GNB1: variants seen among roughly 807,000 people sequenced by gnomAD.
GNB1 encodes the protein G protein subunit beta 1.
A neutral mutation model predicts 42.9 loss-of-function variants in GNB1; 2 were observed. The observed-to-expected ratio is 0.05, with a 90% CI of 0.02 to 0.15. The LOEUF (loss-of-function observed/expected upper bound fraction) is 0.15. Among genes scored for constraint, GNB1 ranks in the 10% least tolerant of loss-of-function variants. The pLI is 1.00. For synonymous variants in GNB1, 183 were observed against 174.7 expected (o/e 1.05, Z -0.38); for missense variants, 193 against 462.2 (o/e 0.42, Z 5.34).
At chr1:1,788,837 TC>T (rs1416382952) in intron 10 of GNB1, 5 of 526,670 alleles carry the variant, frequency 9.5e-6, no homozygotes, top group Non-Finnish European at 1.7e-5. Context: ...CCCAGAGCCC[TC>T]CCCGACGCAT....
At chr1:1,890,353 C>G (rs1377089893) in intron 1 of GNB1, 5 of 151,640 alleles carry the variant, frequency 3.3e-5, no homozygotes, top group Non-Finnish European at 7.4e-5. Context: ...CCGCCCGGCC[C>G]TCAAAGTCAC....
chr1:1,875,572 A>T (rs1025161718), intron 1 of GNB1, among the ~76,000 whole-genome samples: 2 of 152,116 alleles, frequency 1.3e-5, no homozygotes, highest in African/African-American at 4.8e-5. Context: ...GCAGTGGCAC[A>T]ATCATAGCTC....
Position 1,837,322 on chromosome 1 carries a change from T to C in GNB1, c.-47+1868A>G, listed in dbSNP as rs557850793. ...CAGGCTGGAGTGCAGTAGCGTGATC[T>C]TGGCTCACTGCAAGCTCCGCCTCCT... On this transcript the variant is annotated intron_variant, in intron 2 of 11. Coordinates refer to ENST00000378609, the MANE Select transcript of GNB1 (RefSeq NM_002074.5). 4.6e-5 allele frequency among the ~76,000 whole-genome samples: 7 copies of C among 151,684 alleles called. No homozygotes were observed. The South Asian group carries it at 1.5e-3, about 32-fold the overall frequency.
At chr1:1,836,856 C>CTTTTT (rs35131919) in intron 2 of GNB1, among the ~76,000 whole-genome samples, 1 of 120,168 alleles carries the variant, frequency 8.3e-6, no homozygotes, top group Non-Finnish European at 1.7e-5. Context: ...CGACTGCTAA[C>CTTTTT]TTTTTTTTTT....
At chr1:1,828,454 A>G (rs1282243587) in intron 2 of GNB1, among the ~76,000 whole-genome samples, 1 of 152,206 alleles carries the variant, frequency 6.6e-6, no homozygotes, top group Non-Finnish European at 1.5e-5. Flanking sequence ...TTCACATATT[A>G]TACAAGAACA....
intron 7 of GNB1, among the ~76,000 whole-genome samples, chr1:1,802,323 T>C (rs1057030045): frequency 3.3e-5 from 5 of 152,172 alleles, no homozygotes; most frequent in African/African-American, 4.8e-5. Context: ...ACTGAAATGA[T>C]ACCAAGTGTG....
chr1:1,832,136 TA>T (rs1387026276), intron 2 of GNB1: 1 of 152,146 alleles, frequency 6.6e-6, no homozygotes, highest in Non-Finnish European at 1.5e-5. Flanking sequence ...GCATTTTTAT[TA>T]TAACTATTAG....
intron 1 of GNB1, among the ~76,000 whole-genome samples, chr1:1,882,593 C>T (rs1055543665): frequency 6.6e-6 from 1 of 151,858 alleles, no homozygotes; most frequent in Non-Finnish European, 1.5e-5. Flanking sequence ...AAAAATCTAG[C>T]TTCATAAATG....
intron 1 of GNB1, among the ~76,000 whole-genome samples, chr1:1,849,415 A>C (rs1647859178): frequency 6.6e-6 from 1 of 152,138 alleles, no homozygotes; most frequent in African/African-American, 2.4e-5. Context: ...TGTCTGAGGA[A>C]GTCTTTTGTG....
Position 1,789,135 on chromosome 1 carries a change from G to C in GNB1, c.834C>G (p.Phe278Leu). Residue 278 changes from phenylalanine (F) to leucine (L), a missense_variant, in exon 10 of 12, where the codon TTC (phenylalanine) becomes TTG (leucine). This residue lies in a region of GNB1 where 150 missense variants were observed against 410.8 expected (regional missense o/e 0.37). Coordinates refer to ENST00000378609, the MANE Select transcript of GNB1 (RefSeq NM_002074.5). ...NIICGITSVSFSKSGRLLLAG... is the reference protein window; with the variant it reads ...NIICGITSVSLSKSGRLLLAG... Reference sequence around the variant, plus strand: ...CAAGGAGGAGGCGCCCGCTCTTGGAGAAGGAGACAGAGGTGATCCCGCAGA... The same window carrying C: ...CAAGGAGGAGGCGCCCGCTCTTGGACAAGGAGACAGAGGTGATCCCGCAGA... 1 of 1,614,156 alleles carries C rather than the reference G, an allele frequency of 6.2e-7. No homozygotes were observed. The highest frequency in any genetic ancestry group is 8.5e-7 in the Non-Finnish European group (1 of 1,179,980).
intron 1 of GNB1, among the ~76,000 whole-genome samples, chr1:1,873,345 T>C (rs564373358): frequency 5.3e-4 from 81 of 152,376 alleles, no homozygotes; most frequent in African/African-American, 1.9e-3. Context: ...TGAGCTAGAC[T>C]GTTGGAGAGG....
rs368701396 is a variant in GNB1 at position 1,809,032 on chromosome 1, A to C, written c.204-2494T>G. On this transcript the variant is annotated intron_variant, in intron 5 of 11. Coordinates refer to ENST00000378609, the MANE Select transcript of GNB1 (RefSeq NM_002074.5). ...AGTAACGCTCTCTCAAGTTTTGTTG[A>C]TAACTCTGACACTTTTAATATCAAA... 7.9e-5 allele frequency among the ~76,000 whole-genome samples: 12 copies of C among 152,312 alleles called. 1 individual carries two copies. The highest frequency in any genetic ancestry group is 2.6e-4 in the Admixed American group (4 of 15,282).
At chr1:1,813,422 T>A (rs980469232) in intron 5 of GNB1, among the ~76,000 whole-genome samples, 11 of 152,166 alleles carry the variant, frequency 7.2e-5, no homozygotes, top group Admixed American at 6.5e-4. Flanking sequence ...GAACATTTTT[T>A]AAAAAATTCT....
chr1:1,825,543 A>G, intron 2 of GNB1, 44 bp from the exon 3 acceptor site: 5 of 986,750 alleles, frequency 5.1e-6, no homozygotes, highest in Admixed American at 3.4e-5. Context: ...ACTGTTGGAT[A>G]ATTTAATGAA....
At chr1:1,864,989 G>A (rs1471597370) in intron 1 of GNB1, among the ~76,000 whole-genome samples, 2 of 152,216 alleles carry the variant, frequency 1.3e-5, no homozygotes, top group South Asian at 4.1e-4. Flanking sequence ...CAGGCCAGGC[G>A]TGGTGGCTCA....
chr1:1,787,371 G>A lies in GNB1; in HGVS notation c.983C>T (p.Ala328Val), dbSNP rs1235217579. 1.2e-6 allele frequency: 2 copies of A among 1,613,344 alleles called. No homozygotes were observed. Among genetic ancestry groups the A allele is most frequent in the Non-Finnish European group, 1.7e-6 (2 of 1,179,428 alleles). The change falls in exon 11 of 12, where the codon GCG becomes GTG. Residue 328 changes from alanine (A) to valine (V), a missense_variant. Around this residue, in one of 2 missense-constraint regions of GNB1, gnomAD observed 150 missense variants for 410.8 expected, o/e 0.37. Transcript: ENST00000378609. This position sits in a 1 kb window ranked among gnomAD's most constrained non-coding sequence, Gnocchi z 4.4. Reference protein sequence around the residue: ...LGVTDDGMAVATGSWDSFLKI... With the variant: ...LGVTDDGMAVVTGSWDSFLKI... The stretch of plus-strand genomic sequence containing the variant: ...GAGGAAGCTATCCCAGGACCCTGTC[G>A]CCACAGCCATGCCATCGTCAGTCAC...
intron 1 of GNB1, among the ~76,000 whole-genome samples, chr1:1,867,297 G>A (rs1243996005): frequency 6.6e-6 from 1 of 152,172 alleles, no homozygotes; most frequent in Non-Finnish European, 1.5e-5. Context: ...ACAAATTTGT[G>A]TTGGGCTGCA....
intron 5 of GNB1, among the ~76,000 whole-genome samples, chr1:1,808,163 G>A (rs1646727272): frequency 6.6e-6 from 1 of 151,774 alleles, no homozygotes; most frequent in Non-Finnish European, 1.5e-5. Context: ...CGCCACCACA[G>A]CCAGCTAATT....
chr1:1,815,743 T>C lies in GNB1; in HGVS notation c.203+13A>G, dbSNP rs1300676523. Reference sequence around the variant, plus strand: ...AATGTAACAAGCAGCATCCTGCTCATGCCCACGCCTACCTGGAGTCTGTGC... The same window carrying C: ...AATGTAACAAGCAGCATCCTGCTCACGCCCACGCCTACCTGGAGTCTGTGC... On this transcript the variant is annotated intron_variant, in intron 5 of 11. Transcript: ENST00000378609. The C allele has an allele frequency of 2.8e-6, 4 of 1,406,074 alleles. No homozygotes were observed. Among genetic ancestry groups the C allele is most frequent in the Non-Finnish European group, 4.0e-6 (4 of 990,322 alleles). 87.1% of individuals were successfully genotyped at this position (1,406,074 alleles called of 1,614,324 possible). A position where few individuals can be genotyped will look rare whatever the true frequency, so the allele number is the denominator to read the frequency against.
Sources: allele counts gnomAD v4.1 joint callset (sites outside exome capture counted in the v4.1 genomes callset), GRCh38; gene constraint gnomAD v4.1.1; regional missense constraint gnomAD v4.1.1; non-coding constraint Gnocchi (gnomAD v3.1); transcripts MANE v1.5; gene names NCBI Gene and HGNC (gene_info 2026-07-23, HGNC 2026-07-21).